Variants in CATSPERE observed in about 807,000 individuals in gnomAD.
The protein encoded by CATSPERE is catsper channel auxiliary subunit epsilon, also known as cation channel sperm-associated auxiliary subunit epsilon.
A neutral mutation model predicts 114.1 loss-of-function variants in CATSPERE; 93 were observed. The observed-to-expected ratio is 0.81, with a 90% CI of 0.69 to 0.97. The LOEUF is 0.97. CATSPERE is among the 50% of genes least tolerant of loss of function. The probability of loss-of-function intolerance (pLI) is 0.00; values close to 1 mark genes in which losing one functional copy is unlikely to be tolerated. For synonymous variants in CATSPERE, 341 were observed against 384.1 expected (o/e 0.89, Z 1.31); for missense variants, 1,058 against 1,131.6 (o/e 0.93, Z 0.93).
intron 5 of CATSPERE, among the ~76,000 whole-genome samples, chr1:244,486,490 G>T (rs3123469): frequency 2.4e-5 from 2 of 84,634 alleles, no homozygotes; most frequent in Admixed American, 2.4e-4. Flanking sequence ...CAGCATGTGG[G>T]GTACTCGTGG....
intron 20 of CATSPERE, among the ~76,000 whole-genome samples, chr1:244,619,932 TAGG>T (rs1282429551): frequency 6.6e-6 from 1 of 152,182 alleles, no homozygotes; most frequent in Non-Finnish European, 1.5e-5. Context: ...ACAATTTTAT[TAGG>T]AGACTTTAAT....
intron 17 of CATSPERE, 60 bp from the exon 18 acceptor site, chr1:244,605,635 A>G: frequency 8.9e-7 from 1 of 1,118,894 alleles, no homozygotes. Context: ...CAGAAGCTGG[A>G]ACTCTTAACC....
At chr1:244,560,612 G>GT (rs1662413425) in intron 9 of CATSPERE, 56 bp from the exon 10 acceptor site, 1 of 965,942 alleles carries the variant, frequency 1.0e-6, no homozygotes, top group Admixed American at 2.9e-5. Flanking sequence ...AAGAGAAATT[G>GT]TTAGGCCCGT....
At chr1:244,479,557 TA>T (rs1317099916) in intron 4 of CATSPERE, among the ~76,000 whole-genome samples, 159 bp from the exon 5 acceptor site, 1 of 152,156 alleles carries the variant, frequency 6.6e-6, no homozygotes, top group East Asian at 1.9e-4. Context: ...TGGCAATATA[TA>T]AATATTTAAA....
intron 7 of CATSPERE, among the ~76,000 whole-genome samples, chr1:244,511,504 C>T (rs1327981189): frequency 6.6e-6 from 1 of 152,022 alleles, no homozygotes; most frequent in Non-Finnish European, 1.5e-5. Context: ...TCCTGTCATT[C>T]TGTTAATTTT....
intron 20 of CATSPERE, among the ~76,000 whole-genome samples, chr1:244,628,354 T>C (rs1420652964): frequency 6.6e-6 from 1 of 152,126 alleles, no homozygotes; most frequent in Non-Finnish European, 1.5e-5. Context: ...GGGAAATCCA[T>C]GCTTATAAGG....
intron 10 of CATSPERE, among the ~76,000 whole-genome samples, chr1:244,565,184 A>G (rs1042828160): frequency 6.6e-6 from 1 of 152,228 alleles, no homozygotes; most frequent in Non-Finnish European, 1.5e-5. Context: ...AACGATGTTC[A>G]TCAGGGATAT....
chr1:244,479,028 CAAAAA>C (rs1161485991), intron 4 of CATSPERE, among the ~76,000 whole-genome samples: 1 of 47,502 alleles, frequency 2.1e-5, no homozygotes, highest in Admixed American at 3.0e-4. Flanking sequence ...AACTTCGTCT[CAAAAA>C]AAAAAAAAAA....
intron 9 of CATSPERE, among the ~76,000 whole-genome samples, chr1:244,557,526 A>T (rs1661764637): frequency 5.2e-5 from 3 of 57,410 alleles, no homozygotes; most frequent in African/African-American, 9.5e-5. Flanking sequence ...TTTTATTTGA[A>T]ATATTCATAT....
At position 244,498,988 on chromosome 1, in the gene CATSPERE, AT is replaced by A; in HGVS notation, c.352-10del. 1 of 1,599,594 alleles carries A rather than the reference AT, an allele frequency of 6.3e-7. No homozygotes were observed. Among genetic ancestry groups the A allele is most frequent in the Non-Finnish European group, 8.6e-7 (1 of 1,168,358 alleles). On this transcript the variant is annotated splice_polypyrimidine_tract_variant and intron_variant, in intron 6 of 21. Coordinates refer to ENST00000366534, the MANE Select transcript of CATSPERE (RefSeq NM_001130957.2). ...ACAAAATGTAAAGAAATGCAAACAA[AT>A]TTTATTTTCTAGCTTATCACTGTGT...
At chr1:244,493,933 A>C (rs1239741235) in intron 6 of CATSPERE, among the ~76,000 whole-genome samples, 1 of 152,254 alleles carries the variant, frequency 6.6e-6, no homozygotes, top group Admixed American at 6.5e-5. Context: ...AATGGCGATC[A>C]TTAAAAAGTC....
chr1:244,582,341 G>A (rs759594489), intron 12 of CATSPERE, among the ~76,000 whole-genome samples: 7 of 151,912 alleles, frequency 4.6e-5, no homozygotes, highest in Non-Finnish European at 1.0e-4. Context: ...ATTACAGCCT[G>A]GAAGTATTTT....
At chr1:244,589,545 C>T (rs1353082418) in intron 14 of CATSPERE, among the ~76,000 whole-genome samples, 1 of 152,168 alleles carries the variant, frequency 6.6e-6, no homozygotes, top group Non-Finnish European at 1.5e-5. Context: ...TATGGACCAA[C>T]ACTGGCATCA....
intron 8 of CATSPERE, among the ~76,000 whole-genome samples, chr1:244,524,638 A>T (rs146868341): frequency 0.12 from 18,179 of 150,028 alleles, 1,947 homozygotes; most frequent in African/African-American, 0.29. Flanking sequence ...AAACAAATTT[A>T]CAAGAAAAAA....
chr1:244,454,714 A>C (rs1186504209), intron 1 of CATSPERE: 1 of 152,142 alleles, frequency 6.6e-6, no homozygotes, highest in African/African-American at 2.4e-5. Context: ...AATGGAAAAA[A>C]GGATTTGTGA....
At chr1:244,459,471 C>A (rs1430639180), upstream of CATSPERE, among the ~76,000 whole-genome samples, 2 of 152,208 alleles carry the variant, frequency 1.3e-5, no homozygotes, top group African/African-American at 2.4e-5. Flanking sequence ...AATAATTATT[C>A]TTGCTGCACT....
At chr1:244,602,468 C>G (rs900473307) in intron 17 of CATSPERE, among the ~76,000 whole-genome samples, 1 of 152,120 alleles carries the variant, frequency 6.6e-6, no homozygotes, top group Non-Finnish European at 1.5e-5. Context: ...CAATAAATGC[C>G]TTAACGTTAT....
intron 17 of CATSPERE, among the ~76,000 whole-genome samples, chr1:244,599,373 T>C (rs1223831120): frequency 6.6e-6 from 1 of 152,172 alleles, no homozygotes; most frequent in Non-Finnish European, 1.5e-5. Flanking sequence ...TGGTAGCAAC[T>C]CCATCCTTGC....
At chr1:244,609,431 A>T (rs1211303076) in intron 18 of CATSPERE, among the ~76,000 whole-genome samples, 1 of 151,170 alleles carries the variant, frequency 6.6e-6, no homozygotes, top group African/African-American at 2.4e-5. Context: ...GCGCACTGCA[A>T]CCTCTGCCTC....
Sources: allele counts gnomAD v4.1 joint callset (sites outside exome capture counted in the v4.1 genomes callset), GRCh38; gene constraint gnomAD v4.1.1; transcripts MANE v1.5; gene names NCBI Gene and HGNC (gene_info 2026-07-23, HGNC 2026-07-21).